Variants in RP1L1 observed in about 807,000 individuals in gnomAD.
RP1L1 encodes RP1 like 1.
RP1L1 carries 27 observed loss-of-function variants against 15.7 expected under a neutral mutation model. The observed-to-expected ratio is 1.72, with a 90% CI of 1.27 to 2.38. The LOEUF (loss-of-function observed/expected upper bound fraction) is 2.38, where lower values mean the gene tolerates loss of function less well. RP1L1 is among the 30% of genes most tolerant of loss of function. The probability of loss-of-function intolerance (pLI) is 0.00; values close to 1 mark genes in which losing one functional copy is unlikely to be tolerated. For synonymous variants in RP1L1, 1,813 were observed against 1,276.7 expected (o/e 1.42, Z -8.96); for missense variants, 4,798 against 3,075.9 (o/e 1.56, Z -13.24).
At chr8:10,620,774 C>G (rs1186228007) in intron 2 of RP1L1, among the ~76,000 whole-genome samples, 3 of 152,206 alleles carry the variant, frequency 2.0e-5, no homozygotes, top group Non-Finnish European at 4.4e-5. Context: ...GCTACTATTA[C>G]ACAATGGGAT....
Position 10,622,978 on chromosome 8 carries a change from G to C in RP1L1, c.224C>G (p.Ser75Cys). Residue 75 changes from serine to cysteine, a missense_variant, in exon 2 of 4, where the codon TCC becomes TGC. Coordinates refer to ENST00000382483, the MANE Select transcript of RP1L1 (RefSeq NM_178857.6). ...MDELSQRVPL[S>C]FGVRSVTTPR... ...TGTGGTGACAGAGCGCACCCCAAAG[G>C]AGAGAGGCACGCGCTGGGAGAGCTC... is the stretch of plus-strand genomic sequence containing the variant. 6.2e-7 allele frequency: 1 copy of C among 1,614,148 alleles called. No homozygotes were observed. The highest frequency in any genetic ancestry group is 8.5e-7 in the Non-Finnish European group (1 of 1,180,026).
At chr8:10,614,466 C>G (rs1218003064) in intron 3 of RP1L1, among the ~76,000 whole-genome samples, 1 of 151,996 alleles carries the variant, frequency 6.6e-6, no homozygotes, top group African/African-American at 2.4e-5. Flanking sequence ...TCAAGACCAG[C>G]CTGGCCAACA....
rs140219829 is a variant in RP1L1, at chr8:10,639,234, G to A, written c.-20+15664C>T. The stretch of plus-strand genomic sequence containing the variant: ...CCTCAATTCTGCTCTTCAAAACCCC[G>A]TCAACAGTGGGAAAGGCTCATGCAT... On this transcript the variant is annotated intron_variant, in intron 1 of 3. Coordinates refer to ENST00000382483, the MANE Select transcript of RP1L1 (RefSeq NM_178857.6). Among the ~76,000 whole-genome samples, 54 of 152,104 alleles carry A rather than the reference G, an allele frequency of 3.6e-4. 1 individual carries two copies. The highest frequency in any genetic ancestry group is 1.1e-3 in the African/African-American group (46 of 41,506).
At chr8:10,650,109 C>T (rs1798536526) in intron 1 of RP1L1, among the ~76,000 whole-genome samples, 3 of 152,198 alleles carry the variant, frequency 2.0e-5, no homozygotes, top group Admixed American at 2.0e-4. Flanking sequence ...CTCATCTCTT[C>T]TTGCTTCTGG....
In RP1L1 at chr8:10,608,162, G is replaced by A. The variant is rs766290237; in HGVS notation, c.5936C>T (p.Ala1979Val). 1.8e-5 allele frequency: 29 copies of A among 1,611,992 alleles called. No individual in the cohort carries two copies. The highest frequency in any genetic ancestry group is 2.3e-5 in the Non-Finnish European group (27 of 1,179,644). The part of the protein sequence containing the change: ...EAQPESEDVE[A>V]LEVEVETQEA... ...CTGGGTCTCCACTTCAACCTCCAGG[G>A]CCTCTACATCTTCTGACTCTGGCTG... The change falls in exon 4 of 4, where the codon GCC (alanine) becomes GTC (valine). Residue 1979 changes from alanine (A) to valine (V), a missense_variant. By Grantham distance (64) the Ala-to-Val change is moderately conservative. Transcript: ENST00000382483.
Position 10,607,140 on chromosome 8 carries a change from GTACATGGTCATTT to G in RP1L1, c.6945_6957del (p.Glu2315AspfsTer80), listed in dbSNP as rs1360033355. The stretch of plus-strand genomic sequence containing the variant: ...GCATCAGGGCTCCTTGTGTCTCCAA[GTACATGGTCATTT>G]TCTGAGTCTTTCTGCCAGCAGTTGC... On this transcript the variant is annotated frameshift_variant, in exon 4 of 4. Coordinates refer to ENST00000382483, the MANE Select transcript of RP1L1 (RefSeq NM_178857.6). LOFTEE classifies it low-confidence loss of function (END_TRUNC). 1.9e-6 allele frequency: 3 copies of G among 1,614,126 alleles called. No individual in the cohort carries two copies. The highest frequency in any genetic ancestry group is 3.3e-5 in the Admixed American group (2 of 60,008).
rs182206964 is a variant in RP1L1, at chr8:10,647,933, G to A, written c.-20+6965C>T. ...GAAACTCCATTCTGCTGTCCACAGC[G>A]GCTGCACCATTTTATATTCCCACCA... On this transcript the variant is annotated intron_variant, in intron 1 of 3. Transcript: ENST00000382483. 2.1e-3 allele frequency among the ~76,000 whole-genome samples: 322 copies of A among 152,228 alleles called. 1 individual carries two copies. Among genetic ancestry groups the A allele is most frequent in the African/African-American group, 6.8e-3 (281 of 41,532 alleles).
chr8:10,620,701 G>C (rs1472189228), intron 2 of RP1L1, among the ~76,000 whole-genome samples: 1 of 152,224 alleles, frequency 6.6e-6, no homozygotes, highest in East Asian at 1.9e-4. Flanking sequence ...TGAGCCAATA[G>C]GCAACAAGGA....
rs1797743016 is a variant in RP1L1, at chr8:10,608,031, C to T, written c.6067G>A (p.Val2023Ile). 7 of 1,612,348 alleles carry T rather than the reference C, an allele frequency of 4.3e-6. No homozygotes were observed. The highest frequency in any genetic ancestry group is 5.9e-6 in the Non-Finnish European group (7 of 1,179,514). ...EEEAQPESDGVEAQPKSEGEE... is the reference protein window; with the variant it reads ...EEEAQPESDGIEAQPKSEGEE... Reference sequence around the variant, plus strand: ...CCTTCTGACTTTGGCTGGGCCTCTACACCGTCTGACTCTGGCTGGGCCTCC... The same window carrying T: ...CCTTCTGACTTTGGCTGGGCCTCTATACCGTCTGACTCTGGCTGGGCCTCC... Residue 2023 changes from valine (V) to isoleucine (I), a missense_variant, in exon 4 of 4, where the codon GTA (valine) becomes ATA (isoleucine). Transcript: ENST00000382483.
In RP1L1 at chr8:10,607,186, G is replaced by A; in HGVS notation, c.6912C>T (p.Ser2304=). The A allele has an allele frequency of 6.2e-7, 1 of 1,614,254 alleles. No homozygotes were observed. Among genetic ancestry groups the A allele is most frequent in the Non-Finnish European group, 8.5e-7 (1 of 1,180,042 alleles). Residue 2304 remains serine (S), a synonymous_variant, in exon 4 of 4, where the codon TCC becomes TCT. Transcript: ENST00000382483. ...SQTGPSSSRA[S]SWGNCWQKDS... is the part of the protein sequence containing the mutation. ...CTTTCTGCCAGCAGTTGCCCCAAGA[G>A]GATGCTCTGGAGGAGGAAGGGCCTG...
intron 3 of RP1L1, among the ~76,000 whole-genome samples, chr8:10,614,063 G>A (rs140811567): frequency 1.3e-5 from 2 of 152,200 alleles, no homozygotes; most frequent in South Asian, 2.1e-4. Context: ...GTAGGCTCTC[G>A]AGAGATGGCA....
At chr8:10,616,384 T>C in intron 3 of RP1L1, 62 bp downstream of exon 3, 2 of 1,608,572 alleles carry the variant, frequency 1.2e-6, no homozygotes, top group Non-Finnish European at 1.7e-6. Flanking sequence ...GGCTTTCCAC[T>C]CAGCCCTACT....
intron 1 of RP1L1, among the ~76,000 whole-genome samples, chr8:10,638,790 A>C (rs1289854045): frequency 2.6e-5 from 4 of 152,080 alleles, no homozygotes; most frequent in Non-Finnish European, 2.9e-5. Context: ...TGCCCAGTGG[A>C]TCATTAAGAA....
intron 1 of RP1L1, among the ~76,000 whole-genome samples, chr8:10,643,101 C>T (rs1379548899): frequency 2.6e-5 from 4 of 152,034 alleles, no homozygotes; most frequent in African/African-American, 9.7e-5. Flanking sequence ...CTTTGGGAGG[C>T]CAAGGCAGGA....
Position 10,607,422 on chromosome 8 carries a change from C to G in RP1L1, c.6676G>C (p.Glu2226Gln). 1 of 1,613,810 alleles carries G rather than the reference C, an allele frequency of 6.2e-7. No individual in the cohort carries two copies. The highest frequency in any genetic ancestry group is 1.1e-5 in the South Asian group (1 of 91,058). ...EAEEEAQPEP[E>Q]GVETPEAEGE... ...TCAGCCTCCGGGGTCTCTACGCCTTCTGGCTCTGGCTGGGCCTCCTCTTCA... is the reference window on the plus strand; with the variant it reads ...TCAGCCTCCGGGGTCTCTACGCCTTGTGGCTCTGGCTGGGCCTCCTCTTCA... Residue 2226 changes from glutamate (E) to glutamine (Q), a missense_variant, in exon 4 of 4, where the codon GAA becomes CAA. Physicochemically the swap from Glu to Gln is conservative, Grantham distance 29. Transcript: ENST00000382483.
chr8:10,606,712 T>C lies in RP1L1; in HGVS notation c.*183A>G. ...GTGTGGGACGGGCCGCAGAGCTCTC[T>C]GACACTTCTGGACTTAAGAGTCCCA... On this transcript the variant is annotated 3_prime_UTR_variant, in exon 4 of 4. Transcript: ENST00000382483. 1 of 1,023,438 alleles carries C rather than the reference T, an allele frequency of 9.8e-7. No homozygotes were observed. Among genetic ancestry groups the C allele is most frequent in the South Asian group, 1.7e-5 (1 of 59,298 alleles). 63.4% of individuals were successfully genotyped at this position (1,023,438 alleles called of 1,614,324 possible).
intron 1 of RP1L1, among the ~76,000 whole-genome samples, chr8:10,634,962 A>G (rs1282544498): frequency 1.3e-5 from 2 of 152,126 alleles, no homozygotes; most frequent in African/African-American, 4.8e-5. Flanking sequence ...TGCATCCACC[A>G]CAACCCTAGG....
rs1797826897 is a variant in RP1L1 at position 10,610,540 on chromosome 8, G to A, written c.3558C>T (p.Ser1186=). The change falls in exon 4 of 4, where the codon TCC becomes TCT. Residue 1186 remains serine, a synonymous_variant. Transcript: ENST00000382483. ...TWSQALPDLG[S]HAMTENFTPT... ...GCGTGAAGTTCTCCGTCATGGCATG[G>A]GACCCAAGGTCTGGCAGAGCCTGGC... The A allele has an allele frequency of 1.9e-6, 3 of 1,613,684 alleles. No homozygotes were observed. The highest frequency in any genetic ancestry group is 8.5e-7 in the Non-Finnish European group (1 of 1,180,012).
At chr8:10,613,547 T>A (rs1205308532) in intron 3 of RP1L1, among the ~76,000 whole-genome samples, 4 of 145,888 alleles carry the variant, frequency 2.7e-5, no homozygotes, top group African/African-American at 1.0e-4. Flanking sequence ...GAGGACTGCT[T>A]GAGCTCAGGG....
Sources: allele counts gnomAD v4.1 joint callset (sites outside exome capture counted in the v4.1 genomes callset), GRCh38; gene constraint gnomAD v4.1.1; transcripts MANE v1.5; gene names NCBI Gene and HGNC (gene_info 2026-07-23, HGNC 2026-07-21).